Variants in RYR2 observed in about 807,000 individuals in gnomAD.
The protein encoded by RYR2 is cardiac muscle ryanodine receptor-calcium release channel.
RYR2 carries 227 observed loss-of-function variants against 601.1 expected under a neutral mutation model. That is an observed-to-expected ratio of 0.38 (90% CI 0.34 to 0.42). The LOEUF (loss-of-function observed/expected upper bound fraction) is 0.42, where lower values mean the gene tolerates loss of function less well. Among genes scored for constraint, RYR2 ranks in the 10% least tolerant of loss-of-function variants. RYR2 has a pLI of 1.00. For synonymous variants in RYR2, 2,223 were observed against 2,175.1 expected (o/e 1.02, Z -0.61); for missense variants, 4,646 against 6,156.5 (o/e 0.75, Z 8.21).
intron 1 of RYR2, among the ~76,000 whole-genome samples, chr1:237,201,720 A>G (rs1681214666): frequency 6.6e-6 from 1 of 152,106 alleles, no homozygotes. Context: ...AGGGGCTCCC[A>G]GGGCTGCTGA....
intron 63 of RYR2, among the ~76,000 whole-genome samples, chr1:237,691,502 G>A (rs1318906937): frequency 1.3e-5 from 2 of 151,952 alleles, no homozygotes; most frequent in Non-Finnish European, 2.9e-5. Flanking sequence ...TATGAAATGA[G>A]GATTCTCAAA....
chr1:237,415,041 T>A (rs979445659), intron 10 of RYR2, among the ~76,000 whole-genome samples: 6 of 152,094 alleles, frequency 3.9e-5, no homozygotes, highest in Non-Finnish European at 5.9e-5. Flanking sequence ...AGGCTACTGG[T>A]GGCATTTAGT....
At chr1:237,619,726 C>G (rs373406920) in intron 38 of RYR2, among the ~76,000 whole-genome samples, 3 of 151,892 alleles carry the variant, frequency 2.0e-5, no homozygotes, top group East Asian at 3.9e-4. Context: ...ATGACACTAC[C>G]TACAGGGGGA....
At chr1:237,111,419 C>A (rs943059182) in intron 1 of RYR2, among the ~76,000 whole-genome samples, 3 of 152,080 alleles carry the variant, frequency 2.0e-5, no homozygotes, top group Admixed American at 1.3e-4. Flanking sequence ...GAAACCCTGT[C>A]TCTACCAAAA....
chr1:237,069,667 A>G (rs1664070589), intron 1 of RYR2, among the ~76,000 whole-genome samples: 2 of 152,174 alleles, frequency 1.3e-5, no homozygotes, highest in Admixed American at 6.5e-5. Context: ...GGAGTGAGGA[A>G]TTTCCTTCAA....
At chr1:237,278,461 A>C (rs1690529624) in intron 2 of RYR2, among the ~76,000 whole-genome samples, 1 of 151,958 alleles carries the variant, frequency 6.6e-6, no homozygotes, top group Admixed American at 6.6e-5. Flanking sequence ...ATAGAAAAGA[A>C]TATGTGCTCA....
chr1:237,334,839 G>T (rs1188475783), intron 3 of RYR2, among the ~76,000 whole-genome samples: 1 of 152,134 alleles, frequency 6.6e-6, no homozygotes, highest in African/African-American at 2.4e-5. Context: ...ATAGCATAGG[G>T]TTAAAAACAG....
At chr1:237,776,698 G>T (rs1346740948) in intron 87 of RYR2, among the ~76,000 whole-genome samples, 1 of 151,846 alleles carries the variant, frequency 6.6e-6, no homozygotes, top group African/African-American at 2.4e-5. Flanking sequence ...GGCTTCCTCT[G>T]GGTTGTTGCT....
chr1:237,407,407 T>C (rs1704005908), intron 10 of RYR2, among the ~76,000 whole-genome samples: 1 of 152,200 alleles, frequency 6.6e-6, no homozygotes, highest in South Asian at 2.1e-4. Flanking sequence ...CATTTTGTAT[T>C]CTCACCAGCA....
chr1:237,065,317 T>C lies in RYR2; in HGVS notation c.48+22748T>C, dbSNP rs1217041258. Among the ~76,000 whole-genome samples the C allele has an allele frequency of 8.6e-4, 119 of 138,064 alleles. 4 individuals carry two copies. Among genetic ancestry groups the C allele is most frequent in the African/African-American group, 3.1e-3 (113 of 36,442 alleles). The allele number at this position is 138,064 out of a possible 152,430, so 90.6% of individuals were successfully genotyped here. The stretch of plus-strand genomic sequence containing the variant: ...TTTTTCGAGAGGGAGTCTTGCATTG[T>C]CGCCCAGGCTGGAGTGCAATGGCGT... On this transcript the variant is annotated intron_variant, in intron 1 of 104. Coordinates refer to ENST00000366574, the MANE Select transcript of RYR2 (RefSeq NM_001035.3).
At chr1:237,820,467 A>ACC (rs1458162877) in intron 101 of RYR2, among the ~76,000 whole-genome samples, 1 of 152,102 alleles carries the variant, frequency 6.6e-6, no homozygotes, top group Non-Finnish European at 1.5e-5. Flanking sequence ...GAGAGACTGT[A>ACC]CCAGGAGGAA....
At chr1:237,480,249 T>C (rs1661890437) in intron 17 of RYR2, among the ~76,000 whole-genome samples, 1 of 151,942 alleles carries the variant, frequency 6.6e-6, no homozygotes, top group African/African-American at 2.4e-5. Context: ...TGAAACCTCG[T>C]CTGTACTAAA....
At position 237,680,419 on chromosome 1, in the gene RYR2, C is replaced by T. The variant is rs770710457; in HGVS notation, c.8896-37C>T. The T allele has an allele frequency of 3.8e-6, 6 of 1,588,880 alleles. No homozygotes were observed. In the East Asian group the frequency reaches 1.1e-4, roughly 30 times the overall value. ...GCTCCCATTCATCCCCTGAAAGATTCCACTACGTAGATCTGTCTTCTTTTC... is the reference window on the plus strand; with the variant it reads ...GCTCCCATTCATCCCCTGAAAGATTTCACTACGTAGATCTGTCTTCTTTTC... On this transcript the variant is annotated intron_variant, in intron 61 of 104. Transcript: ENST00000366574.
At chr1:237,564,431 T>G (rs948847113) in intron 27 of RYR2, among the ~76,000 whole-genome samples, 7 of 151,940 alleles carry the variant, frequency 4.6e-5, no homozygotes, top group African/African-American at 1.7e-4. Flanking sequence ...CACCAGGCCC[T>G]GATGATTTTT....
intron 29 of RYR2, among the ~76,000 whole-genome samples, chr1:237,571,616 A>G (rs1242349261): frequency 6.6e-6 from 1 of 152,132 alleles, no homozygotes; most frequent in African/African-American, 2.4e-5. Flanking sequence ...CACCAGGCCT[A>G]TTTCTAATAG....
intron 4 of RYR2, among the ~76,000 whole-genome samples, chr1:237,360,156 G>A (rs757084533): frequency 6.6e-6 from 1 of 152,180 alleles, no homozygotes; most frequent in Admixed American, 6.5e-5. Context: ...AGCTATCAAG[G>A]TTCATTCATG....
chr1:237,182,009 G>T (rs887076314), intron 1 of RYR2, among the ~76,000 whole-genome samples: 5 of 152,100 alleles, frequency 3.3e-5, no homozygotes. Flanking sequence ...AGCAAATGTG[G>T]TCTTACATTT....
At chr1:237,745,369 TGAG>T (rs2149223257) in intron 80 of RYR2, among the ~76,000 whole-genome samples, 1 of 152,278 alleles carries the variant, frequency 6.6e-6, no homozygotes, top group East Asian at 1.9e-4. Context: ...TGTGAATTGT[TGAG>T]GGATGAAAAT....
chr1:237,354,838 C>T (rs923485141), intron 3 of RYR2, among the ~76,000 whole-genome samples: 6 of 152,072 alleles, frequency 3.9e-5, no homozygotes, highest in Non-Finnish European at 5.9e-5. Context: ...ACAGATTTTT[C>T]TGAAAACTAA....
Sources: allele counts gnomAD v4.1 joint callset (sites outside exome capture counted in the v4.1 genomes callset), GRCh38; gene constraint gnomAD v4.1.1; transcripts MANE v1.5; gene names NCBI Gene and HGNC (gene_info 2026-07-23, HGNC 2026-07-21).